CCDC181: variants seen among roughly 807,000 people sequenced by gnomAD.
The protein encoded by CCDC181 is coiled-coil domain containing 181.
Under a neutral mutation model 58.7 loss-of-function variants are expected in CCDC181, and 35 were observed. The observed-to-expected ratio is 0.60, with a 90% CI of 0.46 to 0.79. CCDC181 has a LOEUF of 0.79. Among genes scored for constraint, CCDC181 ranks in the 30% least tolerant of loss-of-function variants. The probability of loss-of-function intolerance (pLI) is 0.00; values close to 1 mark genes in which losing one functional copy is unlikely to be tolerated. For missense variants in CCDC181, 517 were observed against 583.9 expected, an observed-to-expected ratio of 0.89 and a Z score of 1.18; for synonymous variants, 183 against 197.5, an observed-to-expected ratio of 0.93 and a Z score of 0.62.
chr1:169,416,128 A>G (rs1230715497), intron 4 of CCDC181, among the ~76,000 whole-genome samples: 1 of 152,166 alleles, frequency 6.6e-6, no homozygotes, highest in Non-Finnish European at 1.5e-5. Flanking sequence ...TAGATTTTCT[A>G]GTGGGATCTT....
intron 2 of CCDC181, among the ~76,000 whole-genome samples, chr1:169,439,994 TA>T (rs1248225783): frequency 6.6e-6 from 1 of 152,034 alleles, no homozygotes; most frequent in Non-Finnish European, 1.5e-5. Context: ...TTGGGCTTTT[TA>T]TGGGTACAGG....
intron 4 of CCDC181, among the ~76,000 whole-genome samples, chr1:169,406,945 C>CA (rs1655694752): frequency 6.9e-6 from 1 of 144,312 alleles, no homozygotes; most frequent in South Asian, 2.2e-4. Context: ...GTAAACTGAA[C>CA]AAATGAAAAA....
At chr1:169,407,659 G>T (rs1655736544) in intron 4 of CCDC181, among the ~76,000 whole-genome samples, 1 of 152,144 alleles carries the variant, frequency 6.6e-6, no homozygotes. Context: ...AATAGGAACA[G>T]CTCCAATCTG....
At chr1:169,450,228 G>A (rs368162692) in intron 2 of CCDC181, among the ~76,000 whole-genome samples, 5 of 152,294 alleles carry the variant, frequency 3.3e-5, no homozygotes, top group East Asian at 3.9e-4. Flanking sequence ...GGATAAGGCC[G>A]TGATAATGTA....
chr1:169,427,507 T>A (rs1206445838), upstream of CCDC181: 1 of 152,148 alleles, frequency 6.6e-6, no homozygotes, highest in African/African-American at 2.4e-5. Flanking sequence ...TGCAATATCC[T>A]CAGACCACCG....
chr1:169,409,162 T>C (rs572331051), intron 4 of CCDC181, among the ~76,000 whole-genome samples: 1 of 152,326 alleles, frequency 6.6e-6, no homozygotes, highest in South Asian at 2.1e-4. Context: ...GATGAGTTGC[T>C]AACTAGAATA....
At chr1:169,429,734 T>C (rs145743540), upstream of CCDC181, among the ~76,000 whole-genome samples, 244 of 152,318 alleles carry the variant, frequency 1.6e-3, no homozygotes, top group African/African-American at 5.3e-3. Context: ...TTTGTGAAGA[T>C]TTTCTCCCAC....
chr1:169,415,220 G>A (rs1270501128), intron 4 of CCDC181, among the ~76,000 whole-genome samples: 1 of 152,194 alleles, frequency 6.6e-6, no homozygotes, highest in African/African-American at 2.4e-5. Flanking sequence ...GAGGCCTGAA[G>A]GCCCATCATC....
chr1:169,435,438 T>G (rs187689843), intron 2 of CCDC181, among the ~76,000 whole-genome samples: 129 of 152,294 alleles, frequency 8.5e-4, no homozygotes, highest in Middle Eastern at 3.4e-3. Flanking sequence ...AATGGAATGG[T>G]GGGCAAACCA....
At chr1:169,442,558 A>G (rs1346469256) in intron 2 of CCDC181, 1 of 152,120 alleles carries the variant, frequency 6.6e-6, no homozygotes, top group Non-Finnish European at 1.5e-5. Flanking sequence ...TGTTTTAAGT[A>G]GATTACTTTT....
intron 2 of CCDC181, among the ~76,000 whole-genome samples, chr1:169,442,016 A>C (rs547098055): frequency 2.6e-5 from 4 of 152,282 alleles, no homozygotes; most frequent in Admixed American, 2.6e-4. Flanking sequence ...GGAAGAGAAC[A>C]GTATAAAGTT....
chr1:169,441,310 T>A (rs571710186), intron 2 of CCDC181, among the ~76,000 whole-genome samples: 1 of 152,288 alleles, frequency 6.6e-6, no homozygotes, highest in East Asian at 1.9e-4. Flanking sequence ...TGGAAGTTAC[T>A]GAAGAAATTA....
At chr1:169,449,617 GGCAAACCAATGGTGTAGGTCCAAGAATCC>G (rs1319474535) in intron 2 of CCDC181, among the ~76,000 whole-genome samples, 2 of 152,186 alleles carry the variant, frequency 1.3e-5, no homozygotes, top group Non-Finnish European at 2.9e-5. Context: ...AAGAGCCCCT[GGCAAACCAATGGTGTAGGTCCAAGAATCC>G]AAAAGCTGAA....
chr1:169,437,192 A>G (rs1657079667), intron 2 of CCDC181, among the ~76,000 whole-genome samples: 4 of 152,190 alleles, frequency 2.6e-5, no homozygotes, highest in Admixed American at 2.6e-4. Flanking sequence ...GGTGGGGGCC[A>G]CAAGATCAGA....
At position 169,422,237 on chromosome 1, in the gene CCDC181, T is replaced by C; in HGVS notation, c.194A>G (p.His65Arg). The C allele has an allele frequency of 6.2e-7, 1 of 1,612,842 alleles. No individual in the cohort carries two copies. ...CTGCAAAGATTTGTCAGGATCAGAA[T>C]GCCGTTTGGTGTGCTCCATTACTGT... ...NETVMEHTKR[H>R]SDPDKSLQDE... Residue 65 changes from histidine to arginine, a missense_variant, in exon 3 of 6, where the codon CAT becomes CGT. Transcript: ENST00000367806.
intron 2 of CCDC181, among the ~76,000 whole-genome samples, chr1:169,447,261 C>A (rs1157429550): frequency 6.6e-6 from 1 of 152,030 alleles, no homozygotes; most frequent in Non-Finnish European, 1.5e-5. Flanking sequence ...TACAGGTACC[C>A]ACCATCACAC....
In CCDC181 at chr1:169,424,909, T is replaced by C; in HGVS notation, c.19A>G (p.Thr7Ala). The change falls in exon 2 of 6, where the codon ACT (threonine) becomes GCT (alanine). Residue 7 changes from threonine (T) to alanine (A), a missense_variant. Coordinates refer to ENST00000367806, the MANE Select transcript of CCDC181 (RefSeq NM_001300969.2). MNENKD[T>A]DSKKSEEYED... ...TATTCTTCACTTTTCTTTGAATCAG[T>C]ATCTTTATTTTCATTCATTTTCTGT... 6.3e-7 allele frequency: 1 copy of C among 1,588,588 alleles called. No homozygotes were observed. Among genetic ancestry groups the C allele is most frequent in the African/African-American group, 1.3e-5 (1 of 74,460 alleles).
chr1:169,450,323 C>G (rs1161391363), intron 2 of CCDC181, among the ~76,000 whole-genome samples: 1 of 152,146 alleles, frequency 6.6e-6, no homozygotes, highest in African/African-American at 2.4e-5. Context: ...ATCTACAGAA[C>G]ATTTTCATGT....
chr1:169,403,316 T>C (rs913755525), intron 4 of CCDC181, among the ~76,000 whole-genome samples: 10 of 152,208 alleles, frequency 6.6e-5, no homozygotes, highest in Admixed American at 3.3e-4. Context: ...GCGGACCTAA[T>C]AGACATCTAC....
Sources: allele counts gnomAD v4.1 joint callset (sites outside exome capture counted in the v4.1 genomes callset), GRCh38; gene constraint gnomAD v4.1.1; transcripts MANE v1.5; gene names NCBI Gene and HGNC (gene_info 2026-07-23, HGNC 2026-07-21).